The following TPH1 variants were observed in gnomAD, a reference collection of about 807,000 sequenced individuals.
TPH1 encodes the protein tryptophan hydroxylase 1.
Under a neutral mutation model 49.5 loss-of-function variants are expected in TPH1, and 37 were observed. The ratio of observed to expected loss-of-function variants is 0.75; its 90% CI spans 0.58 to 0.98. The LOEUF (loss-of-function observed/expected upper bound fraction) is 0.98. Among genes scored for constraint, TPH1 ranks in the 50% least tolerant of loss-of-function variants. The pLI is 0.00. For missense variants in TPH1, 487 were observed against 523.6 expected (o/e 0.93, Z 0.68); for synonymous variants, 160 against 182.1 (o/e 0.88, Z 0.98).
In TPH1 at chr11:18,040,575, C is replaced by T; in HGVS notation, c.117+71G>A. On this transcript the variant is annotated intron_variant, in intron 2 of 10. Transcript: ENST00000682019. ...AGAGATAGGGTCTTGCTATGTTGCC[C>T]TATATTTTAAATATAGTTTTAGAGA... is the stretch of plus-strand genomic sequence containing the variant. The T allele has an allele frequency of 3.4e-6, 5 of 1,456,600 alleles. No individual in the cohort carries two copies. The South Asian group carries it at 4.8e-5, about 14-fold the overall frequency. The allele number at this position is 1,456,600 out of a possible 1,614,324, so 90.2% of individuals were successfully genotyped here. A position where few individuals can be genotyped will look rare whatever the true frequency, so the allele number is the denominator to read the frequency against.
intron 10 of TPH1, among the ~76,000 whole-genome samples, chr11:18,022,474 T>A (rs1195511544): frequency 6.6e-6 from 1 of 152,236 alleles, no homozygotes; most frequent in Non-Finnish European, 1.5e-5. Flanking sequence ...GTTTCATCTG[T>A]ATCTCTCCAA....
At chr11:18,025,765 A>T in intron 7 of TPH1, 64 bp from the exon 8 acceptor site, 1 of 1,597,296 alleles carries the variant, frequency 6.3e-7, no homozygotes, top group South Asian at 1.1e-5. Context: ...TCAACCATTC[A>T]ATCAAATCGA....
intron 2 of TPH1, among the ~76,000 whole-genome samples, chr11:18,039,450 G>A (rs1848078016): frequency 6.6e-6 from 1 of 152,180 alleles, no homozygotes; most frequent in South Asian, 2.1e-4. Context: ...CTGGAGACCA[G>A]AGCTTAACCA....
chr11:18,031,293 A>G (rs1298383325), intron 4 of TPH1, among the ~76,000 whole-genome samples: 1 of 152,220 alleles, frequency 6.6e-6, no homozygotes, highest in African/African-American at 2.4e-5. Context: ...AGCACATACC[A>G]GTATTCCATC....
chr11:18,036,287 A>T (rs1367240571), intron 2 of TPH1, 145 bp from the exon 3 acceptor site: 2 of 658,788 alleles, frequency 3.0e-6, no homozygotes, highest in Non-Finnish European at 2.6e-6. Flanking sequence ...TGCTGCCAAC[A>T]ACAAAATAAT....
In TPH1 at chr11:18,024,508, G is replaced by A. The variant is rs143685179; in HGVS notation, c.931-525C>T. ...TACATGAGTTACATCAGCTTCATGC[G>A]GTTATCTAGTTAGAAAAGCATTGAA... On this transcript the variant is annotated intron_variant, in intron 8 of 10. Coordinates refer to ENST00000682019, the MANE Select transcript of TPH1 (RefSeq NM_004179.3). 9.9e-5 allele frequency among the ~76,000 whole-genome samples: 15 copies of A among 152,168 alleles called. No individual in the cohort carries two copies. The South Asian group carries it at 2.3e-3, about 23-fold the overall frequency.
At chr11:18,041,924 A>C (rs1485753902) in intron 1 of TPH1, among the ~76,000 whole-genome samples, 1 of 152,224 alleles carries the variant, frequency 6.6e-6, no homozygotes, top group African/African-American at 2.4e-5. Context: ...TTTAAAAACA[A>C]GACAACTTGC....
chr11:18,026,581 G>A lies in TPH1; in HGVS notation c.712C>T (p.Pro238Ser). The change falls in exon 7 of 11, where the codon CCA becomes TCA. Residue 238 changes from proline to serine, a missense_variant. Transcript: ENST00000682019. ...SIRPVAGYLS[P>S]RDFLSGLAFR... ...GCTAAACCTGATAAGAAATCTCTTG[G>A]TGATAAGTAACCAGCCACAGGACGG... 6.2e-7 allele frequency: 1 copy of A among 1,614,012 alleles called. No homozygotes were observed. Among genetic ancestry groups the A allele is most frequent in the Non-Finnish European group, 8.5e-7 (1 of 1,179,968 alleles).
chr11:18,023,188 G>A (rs1044453821), intron 9 of TPH1: 2 of 444,582 alleles, frequency 4.5e-6, no homozygotes, highest in South Asian at 2.3e-5. Context: ...AGGCACCCAA[G>A]GATCTTTATT....
chr11:18,023,671 T>TTATC (rs34286483), intron 9 of TPH1, among the ~76,000 whole-genome samples: 8,049 of 151,956 alleles, frequency 0.053, 721 homozygotes, highest in African/African-American at 0.18. Flanking sequence ...AATTCTTATT[T>TTATC]TATCTATCTA....
intron 8 of TPH1, 130 bp downstream of exon 8, chr11:18,025,445 A>T: frequency 8.0e-7 from 1 of 1,242,450 alleles, no homozygotes; most frequent in Non-Finnish European, 1.2e-6. Context: ...CAGTGGCACA[A>T]TCTCGGCTCA....
At chr11:18,029,398 C>T (rs1847961783) in intron 5 of TPH1, 37 bp from the exon 6 acceptor site, 1 of 1,592,710 alleles carries the variant, frequency 6.3e-7, no homozygotes. Flanking sequence ...TTTGAATTAG[C>T]ATTTAATAAA....
rs2134025193 is a variant in TPH1, at chr11:18,022,940, C to A, written c.1027-9G>T. The A allele has an allele frequency of 6.2e-7, 1 of 1,612,878 alleles. No individual in the cohort carries two copies. Among genetic ancestry groups the A allele is most frequent in the East Asian group, 2.2e-5 (1 of 44,840 alleles). Reference sequence around the variant, plus strand: ...TGTCCAGAAAGTGCATGCTAGAAGACAAAGAGTCAGTGAATCAAAGAATAA... The same window carrying A: ...TGTCCAGAAAGTGCATGCTAGAAGAAAAAGAGTCAGTGAATCAAAGAATAA... On this transcript the variant is annotated splice_polypyrimidine_tract_variant and intron_variant, in intron 9 of 10. Coordinates refer to ENST00000682019, the MANE Select transcript of TPH1 (RefSeq NM_004179.3).
intron 1 of TPH1, chr11:18,042,447 C>A: frequency 5.0e-6 from 2 of 399,258 alleles, no homozygotes; most frequent in Non-Finnish European, 4.9e-6. Context: ...AAAATGTAAA[C>A]AATAAAAGAG....
chr11:18,039,503 G>A (rs1243844372), intron 2 of TPH1, among the ~76,000 whole-genome samples: 1 of 152,148 alleles, frequency 6.6e-6, no homozygotes, highest in Non-Finnish European at 1.5e-5. Flanking sequence ...CCTATATTAG[G>A]ACAAGTGGCT....
At chr11:18,037,665 C>G (rs755686475) in intron 2 of TPH1, among the ~76,000 whole-genome samples, 4 of 152,004 alleles carry the variant, frequency 2.6e-5, no homozygotes, top group Non-Finnish European at 5.9e-5. Flanking sequence ...AAATGTCAAT[C>G]ATTCCTAAAT....
chr11:18,033,980 C>T (rs902807734), intron 3 of TPH1, among the ~76,000 whole-genome samples: 1 of 152,190 alleles, frequency 6.6e-6, no homozygotes, highest in Admixed American at 6.5e-5. Flanking sequence ...TCTTCTCATT[C>T]CGCAAAGCCT....
rs1854339985 is a variant in TPH1, at chr11:18,020,058, A to G, written c.*933T>C. ...CTTTTACTTTGTGCTTCTCTTATCT[A>G]TCTCAGTTTGAACTCTTCCTTTGAT... On this transcript the variant is annotated 3_prime_UTR_variant, in exon 11 of 11. Transcript: ENST00000682019. 4.4e-6 allele frequency: 1 copy of G among 224,978 alleles called. No individual in the cohort carries two copies. The highest frequency in any genetic ancestry group is 1.3e-4 in the East Asian group (1 of 7,890). 13.9% of individuals were successfully genotyped at this position (224,978 alleles called of 1,614,324 possible).
At chr11:18,039,911 A>G (rs1208047256) in intron 2 of TPH1, among the ~76,000 whole-genome samples, 1 of 152,106 alleles carries the variant, frequency 6.6e-6, no homozygotes, top group African/African-American at 2.4e-5. Context: ...TAGTTTCCCT[A>G]CATGGTACAC....
Sources: gnomAD v4.1 joint callset for allele counts (sites outside exome capture counted in the v4.1 genomes callset) on GRCh38, gnomAD v4.1.1 for gene constraint, MANE v1.5 for transcripts, NCBI Gene and HGNC (gene_info 2026-07-23, HGNC 2026-07-21) for gene names.